Variants in NFAM1 observed in about 807,000 individuals in gnomAD.
NFAM1 encodes the protein NFAT activation molecule 1.
Under a neutral mutation model 29.0 loss-of-function variants are expected in NFAM1, and 17 were observed. The ratio of observed to expected loss-of-function variants is 0.59; its 90% CI spans 0.40 to 0.88. The LOEUF is 0.88. NFAM1 is among the 40% of genes least tolerant of loss of function. The pLI is 0.00. For missense variants in NFAM1, 324 were observed against 344.6 expected (o/e 0.94, Z 0.47); for synonymous variants, 175 against 147.2 (o/e 1.19, Z -1.36).
chr22:42,433,619 G>C (rs1278546260), upstream of NFAM1, among the ~76,000 whole-genome samples: 1 of 152,184 alleles, frequency 6.6e-6, no homozygotes, highest in Non-Finnish European at 1.5e-5. Context: ...AACATGAACA[G>C]TGAAAGCCTA....
At position 42,411,490 on chromosome 22, in the gene NFAM1, G is replaced by C; in HGVS notation, c.368C>G (p.Ala123Gly). Residue 123 changes from alanine (A) to glycine (G), a missense_variant, in exon 2 of 6, where the codon GCA becomes GGA. By Grantham distance (60) the Ala-to-Gly change is moderately conservative. Transcript: ENST00000329021. ...DCQVTLVLPG[A>G]SATGTYYCSV... is the part of the protein sequence containing the mutation. The stretch of plus-strand genomic sequence containing the variant: ...GCAGTAGTAGGTGCCAGTGGCCGAT[G>C]CTCCCGGCAGCACAAGGGTGACCTG... The C allele has an allele frequency of 6.2e-7, 1 of 1,614,190 alleles. No individual in the cohort carries two copies. The highest frequency in any genetic ancestry group is 2.2e-5 in the East Asian group (1 of 44,886).
At chr22:42,428,759 A>C (rs1440289072) in intron 1 of NFAM1, among the ~76,000 whole-genome samples, 1 of 152,196 alleles carries the variant, frequency 6.6e-6, no homozygotes, top group African/African-American at 2.4e-5. Context: ...AGTTCTGGAA[A>C]GGCCACAGAG....
At chr22:42,394,632 A>G (rs1929457081) in intron 4 of NFAM1, among the ~76,000 whole-genome samples, 2 of 152,100 alleles carry the variant, frequency 1.3e-5, no homozygotes, top group South Asian at 4.2e-4. Flanking sequence ...TTCATACTGT[A>G]AGTGCACAAA....
chr22:42,437,717 C>T, the NFAM1 span, among the ~76,000 whole-genome samples: 1 of 152,174 alleles, frequency 6.6e-6, no homozygotes, highest in Admixed American at 6.5e-5. Context: ...ACCCTTCTTC[C>T]CCCTCTAGGG....
chr22:42,412,249 A>C (rs1008896766), intron 1 of NFAM1, among the ~76,000 whole-genome samples: 2 of 152,000 alleles, frequency 1.3e-5, no homozygotes, highest in Non-Finnish European at 2.9e-5. Context: ...AAAAAAAAGA[A>C]AGACAAGTCT....
intron 1 of NFAM1, among the ~76,000 whole-genome samples, chr22:42,425,288 C>T (rs192392066): frequency 2.0e-5 from 3 of 152,288 alleles, no homozygotes; most frequent in Non-Finnish European, 4.4e-5. Context: ...GCCTTTGAAA[C>T]CCTGCCTCGC....
the NFAM1 span, among the ~76,000 whole-genome samples, chr22:42,437,538 G>C: frequency 6.6e-6 from 1 of 152,140 alleles, no homozygotes; most frequent in Non-Finnish European, 1.5e-5. Flanking sequence ...GACGAGCACA[G>C]AACCAGGAGG....
intron 1 of NFAM1, among the ~76,000 whole-genome samples, chr22:42,415,159 A>G (rs1353686127): frequency 2.0e-5 from 3 of 152,102 alleles, no homozygotes; most frequent in Non-Finnish European, 4.4e-5. Flanking sequence ...AACAACGTCC[A>G]GTCTGGAGAC....
Position 42,419,293 on chromosome 22 carries a change from G to A in NFAM1, c.122-7557C>T, listed in dbSNP as rs1330355317. Among the ~76,000 whole-genome samples the A allele has an allele frequency of 6.6e-6, 1 of 152,030 alleles. No homozygotes were observed. The highest frequency in any genetic ancestry group is 1.5e-5 in the Non-Finnish European group (1 of 68,000). On this transcript the variant is annotated intron_variant, in intron 1 of 5. Transcript: ENST00000329021. The surrounding 1 kb of genome is among the most constrained non-coding windows in gnomAD (Gnocchi z 4.5). ...GTCTCTGTGGCTCTGAGTCCCCAGC[G>A]ATCCACAAACTCATCCTGCTCCTGC...
upstream of NFAM1, among the ~76,000 whole-genome samples, chr22:42,435,009 CG>C (rs1337833887): frequency 1.3e-5 from 2 of 152,264 alleles, no homozygotes; most frequent in Non-Finnish European, 2.9e-5. Context: ...CCTAGGGGCA[CG>C]GCAACCTCAG....
At position 42,409,438 on chromosome 22, in the gene NFAM1, G is replaced by C. The variant is rs17003048; in HGVS notation, c.561C>G (p.Asn187Lys). 7,913 of 1,471,670 alleles carry C rather than the reference G, an allele frequency of 5.4e-3. 381 individuals carry two copies. In the African/African-American group the frequency reaches 0.1, roughly 19 times the overall value. 91.2% of individuals were successfully genotyped at this position (1,471,670 alleles called of 1,614,324 possible). ...SVVGTALLLW[N>K]KKRMRGPGKD... ...GCTGTGAGCACTGATCCCGTACCTT[G>C]TTCCAGAGCAGCAGGGCCGTGCCCA... The change falls in exon 3 of 6, where the codon AAC becomes AAG. Residue 187 changes from asparagine (N) to lysine (K), a missense_variant. Asn to Lys is a moderately conservative substitution (Grantham distance 94). Transcript: ENST00000329021. The surrounding 1 kb of genome is among the most constrained non-coding windows in gnomAD (Gnocchi z 4.9).
In NFAM1 at chr22:42,425,183, A is replaced by T. The variant is rs150687224; in HGVS notation, c.121+7054T>A. ...GGTGATCCACAAACCTCGGCCCCCC[A>T]AAGTGCGGGATTACAGGTGTGAGCC... On this transcript the variant is annotated intron_variant, in intron 1 of 5. Coordinates refer to ENST00000329021, the MANE Select transcript of NFAM1 (RefSeq NM_145912.8). Among the ~76,000 whole-genome samples the T allele has an allele frequency of 2.5e-3, 386 of 152,242 alleles. 4 individuals carry two copies. The highest frequency in any genetic ancestry group is 0.01 in the Middle Eastern group (3 of 294).
chr22:42,434,216 C>T (rs570612874), upstream of NFAM1, among the ~76,000 whole-genome samples: 6 of 152,316 alleles, frequency 3.9e-5, 1 homozygote, highest in Admixed American at 1.3e-4. Context: ...TCTTCCTCCC[C>T]TCTCCTTCTT....
Position 42,432,379 on chromosome 22 carries a change from G to A in NFAM1, c.-22C>T. 1 of 1,549,734 alleles carries A rather than the reference G, an allele frequency of 6.5e-7. No individual in the cohort carries two copies. Among genetic ancestry groups the A allele is most frequent in the East Asian group, 2.4e-5 (1 of 42,350 alleles). On this transcript the variant is annotated 5_prime_UTR_variant, in exon 1 of 6. Transcript: ENST00000329021. ...CCATCTGGGGGCCTGCTTGTCTGCG[G>A]CGACTCTTTAGTTCACAGGAGGGGA... is the stretch of plus-strand genomic sequence containing the variant.
intron 3 of NFAM1, among the ~76,000 whole-genome samples, chr22:42,403,263 G>A (rs770521965): frequency 2.6e-5 from 4 of 152,202 alleles, no homozygotes; most frequent in Admixed American, 6.5e-5. Flanking sequence ...GGAACTGAAC[G>A]AAGGCCCAAC....
At chr22:42,392,850 A>C (rs1459793308) in intron 4 of NFAM1, among the ~76,000 whole-genome samples, 1 of 151,878 alleles carries the variant, frequency 6.6e-6, no homozygotes, top group Non-Finnish European at 1.5e-5. Context: ...CCCAGGCTGG[A>C]GTGCAGTGGC....
At chr22:42,391,937 C>A in intron 4 of NFAM1, among the ~76,000 whole-genome samples, 1 of 120,838 alleles carries the variant, frequency 8.3e-6, no homozygotes. Flanking sequence ...AAGAGCGAGA[C>A]TCTGTCTCAA....
intron 3 of NFAM1, among the ~76,000 whole-genome samples, chr22:42,399,780 C>T (rs1200912986): frequency 6.6e-6 from 1 of 152,196 alleles, no homozygotes; most frequent in Non-Finnish European, 1.5e-5. Context: ...CCACTGCTGA[C>T]AGTGGAGCCA....
chr22:42,409,591 GA>G lies in NFAM1; in HGVS notation c.452-45del. ...GAGCAGAGGGGTCAGTGACCCAGGA[GA>G]AAGCGGGGCACACACACCTGATGTT... On this transcript the variant is annotated intron_variant, in intron 2 of 5. Transcript: ENST00000329021. This position sits in a 1 kb window ranked among gnomAD's most constrained non-coding sequence, Gnocchi z 4.9. 1.0e-6 allele frequency: 1 copy of G among 989,426 alleles called. No individual in the cohort carries two copies. The highest frequency in any genetic ancestry group is 1.5e-6 in the Non-Finnish European group (1 of 683,654). 61.3% of individuals were successfully genotyped at this position (989,426 alleles called of 1,614,324 possible). A position where few individuals can be genotyped will look rare whatever the true frequency, so the allele number is the denominator to read the frequency against.
Sources: allele counts gnomAD v4.1 joint callset (sites outside exome capture counted in the v4.1 genomes callset), GRCh38; gene constraint gnomAD v4.1.1; non-coding constraint Gnocchi (gnomAD v3.1); transcripts MANE v1.5; gene names NCBI Gene and HGNC (gene_info 2026-07-23, HGNC 2026-07-21).